The following KLHL13 variants were observed in gnomAD, a reference collection of about 807,000 sequenced individuals.
KLHL13 encodes the protein kelch like family member 13.
KLHL13 carries 10 observed loss-of-function variants against 37.1 expected under a neutral mutation model. The observed-to-expected ratio is 0.27, with a 90% CI of 0.17 to 0.46. The LOEUF is 0.46. Among genes scored for constraint, KLHL13 ranks in the 20% least tolerant of loss-of-function variants. The pLI, the probability that KLHL13 is intolerant of heterozygous loss-of-function variation, is 1.00. For synonymous variants in KLHL13, 163 were observed against 181.2 expected (o/e 0.90, Z 0.81); for missense variants, 360 against 509.3 (o/e 0.71, Z 2.82).
At chrX:117,973,767 A>G (rs1337677825), upstream of KLHL13, 1 of 750,905 alleles carries the variant, frequency 1.3e-6, no homozygotes, top group Non-Finnish European at 1.6e-6. Flanking sequence ...GCTATCAACA[A>G]TCTAATTCAA....
At chrX:117,957,204 T>C (rs1230445388) in intron 1 of KLHL13, among the ~76,000 whole-genome samples, 1 of 111,516 alleles carries the variant, frequency 9.0e-6, no homozygotes, top group Non-Finnish European at 1.9e-5. Flanking sequence ...CTTGTCTGTA[T>C]TACCTCTTAC....
At chrX:117,975,498 C>A (rs778503518), upstream of KLHL13, among the ~76,000 whole-genome samples, 1 of 111,723 alleles carries the variant, frequency 9.0e-6, no homozygotes, top group East Asian at 2.8e-4. Context: ...TGCAGCAATT[C>A]TCCTGCCTCA....
At chrX:118,036,157 GGCCATACTGCCCA>G (rs2054437132) in intron 1 of KLHL13, among the ~76,000 whole-genome samples, 1 of 101,346 alleles carries the variant, frequency 9.9e-6, no homozygotes, top group Non-Finnish European at 2.0e-5. Context: ...TCGTGAAAAT[GGCCATACTGCCCA>G]AGGTAATTTA....
intron 1 of KLHL13, among the ~76,000 whole-genome samples, chrX:118,045,231 G>A (rs183726148): frequency 5.9e-4 from 64 of 108,973 alleles, no homozygotes; most frequent in African/African-American, 1.6e-3. Flanking sequence ...AAAATTAGCC[G>A]GGCATGGTGG....
At chrX:117,983,144 T>C (rs1169218957) in intron 1 of KLHL13, among the ~76,000 whole-genome samples, 1 of 112,005 alleles carries the variant, frequency 8.9e-6, no homozygotes, top group Non-Finnish European at 1.9e-5. Flanking sequence ...ACTGCAGCTG[T>C]GTCCCTGGTT....
rs182842182 is a variant in KLHL13, at chrX:118,051,263, G to A, written c.-56+65245C>T. Among the ~76,000 whole-genome samples, 161 of 110,670 alleles carry A rather than the reference G, an allele frequency of 1.5e-3. 2 individuals carry two copies. The highest frequency in any genetic ancestry group is 5.1e-3 in the African/African-American group (156 of 30,513). On this transcript the variant is annotated intron_variant, in intron 1 of 6. Transcript: ENST00000371882. ...CATATGAAAAATAAAATTTATGGCC[G>A]GGTACGGTGGCTCACACCTGTAATC...
At chrX:118,037,590 G>A (rs2054463147) in intron 1 of KLHL13, among the ~76,000 whole-genome samples, 1 of 104,277 alleles carries the variant, frequency 9.6e-6, no homozygotes, top group Non-Finnish European at 2.0e-5. Context: ...TCTGGGGACT[G>A]TTGTGGGGTG....
At chrX:117,986,038 G>A (rs1367824679) in intron 1 of KLHL13, among the ~76,000 whole-genome samples, 2 of 111,540 alleles carry the variant, frequency 1.8e-5, no homozygotes, top group African/African-American at 6.5e-5. Context: ...TTGGCTACAT[G>A]TTAGGTACTA....
At chrX:117,985,513 T>A in intron 1 of KLHL13, 2 of 251,632 alleles carry the variant, frequency 7.9e-6, no homozygotes, top group Non-Finnish European at 1.1e-5. Context: ...GTCAGTGTAG[T>A]TGAACTATTT....
At chrX:117,905,146 G>T (rs1239218626) in intron 5 of KLHL13, among the ~76,000 whole-genome samples, 1 of 110,758 alleles carries the variant, frequency 9.0e-6, no homozygotes, top group Non-Finnish European at 1.9e-5. Flanking sequence ...ATCCTTTGGG[G>T]GGTATAGAGG....
intron 1 of KLHL13, among the ~76,000 whole-genome samples, chrX:118,071,011 G>T (rs2054856910): frequency 9.1e-6 from 1 of 109,377 alleles, no homozygotes; most frequent in South Asian, 4.0e-4. Context: ...GTGGTGTTTG[G>T]TTTTTTCTTC....
At chrX:118,070,492 C>T (rs924277340) in intron 1 of KLHL13, among the ~76,000 whole-genome samples, 2 of 111,687 alleles carry the variant, frequency 1.8e-5, no homozygotes, top group African/African-American at 6.5e-5. Context: ...GTTGTTGAGA[C>T]TTGTTTGATG....
At chrX:117,972,078 G>A (rs1010488860) in intron 1 of KLHL13, among the ~76,000 whole-genome samples, 2 of 111,511 alleles carry the variant, frequency 1.8e-5, no homozygotes, top group African/African-American at 3.3e-5. Flanking sequence ...ACTTCAGTAC[G>A]TATTTACTTA....
At chrX:118,068,538 G>A (rs191134847) in intron 1 of KLHL13, among the ~76,000 whole-genome samples, 228 of 110,519 alleles carry the variant, frequency 2.1e-3, no homozygotes, top group African/African-American at 7.3e-3. Flanking sequence ...GTAGGCAAGA[G>A]GATCCCAGCA....
intron 1 of KLHL13, among the ~76,000 whole-genome samples, chrX:117,948,536 A>G (rs1325658947): frequency 2.7e-5 from 3 of 112,056 alleles, no homozygotes; most frequent in Non-Finnish European, 5.6e-5. Flanking sequence ...ATTTGGATCC[A>G]CTTTTACATG....
chrX:118,092,168 C>T (rs1043846965), intron 1 of KLHL13, among the ~76,000 whole-genome samples: 2 of 111,301 alleles, frequency 1.8e-5, no homozygotes, highest in African/African-American at 6.5e-5. Flanking sequence ...AGAACTTATT[C>T]GTGTAATCAA....
intron 1 of KLHL13, among the ~76,000 whole-genome samples, chrX:118,027,004 G>A (rs912428422): frequency 8.9e-6 from 1 of 111,910 alleles, no homozygotes; most frequent in Non-Finnish European, 1.9e-5. Context: ...GCAATGGCTA[G>A]GAAAAGGTAG....
intron 1 of KLHL13, among the ~76,000 whole-genome samples, chrX:118,032,053 C>G (rs892121122): frequency 1.8e-5 from 2 of 111,561 alleles, no homozygotes; most frequent in Non-Finnish European, 3.8e-5. Context: ...AAACAGCGCA[C>G]CAGGAGATTA....
chrX:117,985,428 G>T, intron 1 of KLHL13: 4 of 805,921 alleles, frequency 5.0e-6, no homozygotes, highest in Non-Finnish European at 3.1e-6. Flanking sequence ...CCCAAAAGCA[G>T]AAACAGGCTT....
Sources: allele counts gnomAD v4.1 joint callset (sites outside exome capture counted in the v4.1 genomes callset), GRCh38; gene constraint gnomAD v4.1.1; transcripts MANE v1.5; gene names NCBI Gene and HGNC (gene_info 2026-07-23, HGNC 2026-07-21).